Variants in ZBTB17 observed in about 807,000 individuals in gnomAD.
ZBTB17 encodes zinc finger and BTB domain containing 17, also known as zinc finger and BTB domain-containing protein 17.
Under a neutral mutation model 85.1 loss-of-function variants are expected in ZBTB17, and 24 were observed. The observed-to-expected ratio is 0.28, with a 90% CI of 0.20 to 0.40. ZBTB17 has a LOEUF of 0.40. Among genes scored for constraint, ZBTB17 ranks in the 10% least tolerant of loss-of-function variants. The pLI is 1.00. For synonymous variants in ZBTB17, 464 were observed against 460.2 expected, an observed-to-expected ratio of 1.01 and a Z score of -0.11; for missense variants, 743 against 1,105.1, an observed-to-expected ratio of 0.67 and a Z score of 4.65.
chr1:15,960,721 C>T (rs2072229068), intron 2 of ZBTB17, among the ~76,000 whole-genome samples: 1 of 152,168 alleles, frequency 6.6e-6, no homozygotes, highest in Admixed American at 6.5e-5. Context: ...GCCGGATGGC[C>T]CATGATGCTC....
chr1:15,947,159 CAA>C, intron 3 of ZBTB17, 36 bp from the exon 4 acceptor site: 1 of 1,574,568 alleles, frequency 6.4e-7, no homozygotes, highest in African/African-American at 1.3e-5. Context: ...AGACCCACCT[CAA>C]GATCCGGCAC....
Position 15,944,993 on chromosome 1 carries a change from T to C in ZBTB17, c.871A>G (p.Thr291Ala). ...TTGGACTCCGTGCGGTCGCCGTAGG[T>C]GCCTGAGCGCAGGCCCCGGGCCTCG... ...GSEARGLRSG[T>A]YGDRTESKAY... Residue 291 changes from threonine (T) to alanine (A), a missense_variant, in exon 7 of 16, where the codon ACC becomes GCC. Coordinates refer to ENST00000375743, the MANE Select transcript of ZBTB17 (RefSeq NM_003443.3). 4 of 1,590,894 alleles carry C rather than the reference T, an allele frequency of 2.5e-6. No individual in the cohort carries two copies. The highest frequency in any genetic ancestry group is 3.4e-6 in the Non-Finnish European group (4 of 1,171,266).
rs1254510963 is a variant in ZBTB17, at chr1:15,944,920, G to T, written c.927+17C>A. 2.6e-6 allele frequency: 4 copies of T among 1,565,254 alleles called. No individual in the cohort carries two copies. The highest frequency in any genetic ancestry group is 3.5e-6 in the Non-Finnish European group (4 of 1,156,656). ...GGAGGGACGCTGGCTGGGAGGGCTG[G>T]CCATAGTCTCCCTCACCTCGCACTT... is the stretch of plus-strand genomic sequence containing the variant. On this transcript the variant is annotated intron_variant, in intron 7 of 15. Transcript: ENST00000375743.
Position 15,949,766 on chromosome 1 carries a change from G to A in ZBTB17, c.-2-1269C>T, listed in dbSNP as rs564561203. Reference sequence around the variant, plus strand: ...ATGGCTGTCGGGCTGTGATGAGTCCGGAGGAAGCCACGCCCCTCACACCAG... The same window carrying A: ...ATGGCTGTCGGGCTGTGATGAGTCCAGAGGAAGCCACGCCCCTCACACCAG... On this transcript the variant is annotated intron_variant, in intron 2 of 15. Coordinates refer to ENST00000375743, the MANE Select transcript of ZBTB17 (RefSeq NM_003443.3). 3.9e-5 allele frequency among the ~76,000 whole-genome samples: 6 copies of A among 152,366 alleles called. No homozygotes were observed. In the South Asian group the frequency reaches 1.0e-3, roughly 26 times the overall value.
chr1:15,967,532 T>C (rs971192424), intron 2 of ZBTB17, among the ~76,000 whole-genome samples: 26 of 152,174 alleles, frequency 1.7e-4, no homozygotes, highest in African/African-American at 6.3e-4. Context: ...AAAAAAAAGT[T>C]TCCTGGGAGG....
chr1:15,947,476 C>T (rs1456829696), intron 3 of ZBTB17, among the ~76,000 whole-genome samples: 1 of 151,840 alleles, frequency 6.6e-6, no homozygotes, highest in Non-Finnish European at 1.5e-5. Flanking sequence ...CTGTGAATGC[C>T]GCCCATGCAT....
chr1:15,948,768 G>A (rs1023570246), intron 2 of ZBTB17, among the ~76,000 whole-genome samples: 3 of 151,892 alleles, frequency 2.0e-5, no homozygotes, highest in Admixed American at 6.6e-5. Context: ...AGCCGCCTCC[G>A]TATTCAGCCT....
chr1:15,969,894 G>A (rs2148814552), intron 2 of ZBTB17: 1 of 626,048 alleles, frequency 1.6e-6, no homozygotes, highest in Non-Finnish European at 3.0e-6. Context: ...ACAGACGGAG[G>A]CAGCTAGGAC....
At chr1:15,947,663 G>A (rs1419819302) in intron 3 of ZBTB17, among the ~76,000 whole-genome samples, 2 of 152,134 alleles carry the variant, frequency 1.3e-5, no homozygotes, top group Admixed American at 1.3e-4. Flanking sequence ...TTATTTGGCC[G>A]CTACACTTCA....
rs910740366 is a variant in ZBTB17, at chr1:15,943,728, C to G, written c.1460-13G>C. ...CGCTTCAGGTTCCCTGTGGCGAGACCGAGGGCGAACCTGGCGTGGGGCACC... is the reference window on the plus strand; with the variant it reads ...CGCTTCAGGTTCCCTGTGGCGAGACGGAGGGCGAACCTGGCGTGGGGCACC... On this transcript the variant is annotated splice_polypyrimidine_tract_variant and intron_variant, in intron 10 of 15. Transcript: ENST00000375743. 6 of 1,612,950 alleles carry G rather than the reference C, an allele frequency of 3.7e-6. No individual in the cohort carries two copies. Among genetic ancestry groups the G allele is most frequent in the Non-Finnish European group, 5.1e-6 (6 of 1,179,878 alleles).
At position 15,964,160 on chromosome 1, in the gene ZBTB17, A is replaced by C. The variant is rs1199505241; in HGVS notation, c.-3+8879T>G. Among the ~76,000 whole-genome samples, 3 of 151,932 alleles carry C rather than the reference A, an allele frequency of 2.0e-5. No homozygotes were observed. Among genetic ancestry groups the C allele is most frequent in the Non-Finnish European group, 4.4e-5 (3 of 67,982 alleles). On this transcript the variant is annotated intron_variant, in intron 2 of 15. Coordinates refer to ENST00000375743, the MANE Select transcript of ZBTB17 (RefSeq NM_003443.3). The surrounding 1 kb of genome is among the most constrained non-coding windows in gnomAD (Gnocchi z 4.3). ...AAAGGTTTAAAAAGAACTAAAATGCACACCCACAGAATAAAAGTGGAAGAG... is the reference window on the plus strand; with the variant it reads ...AAAGGTTTAAAAAGAACTAAAATGCCCACCCACAGAATAAAAGTGGAAGAG...
rs1557782259 is a variant in ZBTB17 at position 15,951,579 on chromosome 1, G to A, written c.-2-3082C>T. The stretch of plus-strand genomic sequence containing the variant: ...GTTCCCCAGCCGGGAAGCTTTAACA[G>A]CCCCTCTCTCAAGGCCCGTGGCGAG... On this transcript the variant is annotated intron_variant, in intron 2 of 15. Transcript: ENST00000375743. This position sits in a 1 kb window ranked among gnomAD's most constrained non-coding sequence, Gnocchi z 4.1. Among the ~76,000 whole-genome samples, 1 of 152,142 alleles carries A rather than the reference G, an allele frequency of 6.6e-6. No homozygotes were observed. The highest frequency in any genetic ancestry group is 2.4e-5 in the African/African-American group (1 of 41,422).
intron 2 of ZBTB17, among the ~76,000 whole-genome samples, chr1:15,968,002 T>A (rs1410912955): frequency 6.6e-6 from 1 of 152,044 alleles, no homozygotes; most frequent in Non-Finnish European, 1.5e-5. Context: ...TTCTGGGGTG[T>A]CACCACTGGA....
At chr1:15,956,429 G>GT (rs2072047049) in intron 2 of ZBTB17, among the ~76,000 whole-genome samples, 2 of 152,166 alleles carry the variant, frequency 1.3e-5, no homozygotes, top group African/African-American at 4.8e-5. Flanking sequence ...CAATGTCAAA[G>GT]TATTTCCTAG....
Position 15,947,025 on chromosome 1 carries a change from G to C in ZBTB17, c.304C>G (p.Gln102Glu). 6.2e-7 allele frequency: 1 copy of C among 1,614,128 alleles called. No homozygotes were observed. Among genetic ancestry groups the C allele is most frequent in the Non-Finnish European group, 8.5e-7 (1 of 1,180,028 alleles). The change falls in exon 4 of 16, where the codon CAG (glutamine) becomes GAG (glutamate). Residue 102 changes from glutamine (Q) to glutamate (E), a missense_variant. By Grantham distance (29) the Gln-to-Glu change is conservative (BLOSUM62 2). This residue lies in a region of ZBTB17 where 74 missense variants were observed against 142.6 expected (regional missense o/e 0.52). Coordinates refer to ENST00000375743, the MANE Select transcript of ZBTB17 (RefSeq NM_003443.3). ...GCATGGCAGGCCGTGATGATGTCCT[G>C]CATTTGGAGGAAAGTGGCCACGGCC... ...VLAVATFLQM[Q>E]DIITACHALK...
At chr1:15,950,347 G>A (rs1233837468) in intron 2 of ZBTB17, among the ~76,000 whole-genome samples, 3 of 152,254 alleles carry the variant, frequency 2.0e-5, no homozygotes, top group Non-Finnish European at 4.4e-5. Context: ...AAGACCTGAA[G>A]GGCACAAAGG....
At position 15,944,323 on chromosome 1, in the gene ZBTB17, G is replaced by A; in HGVS notation, c.1348C>T (p.His450Tyr). 1 of 1,554,252 alleles carries A rather than the reference G, an allele frequency of 6.4e-7. No homozygotes were observed. Among genetic ancestry groups the A allele is most frequent in the Non-Finnish European group, 8.7e-7 (1 of 1,148,840 alleles). The change falls in exon 9 of 16, where the codon CAC becomes TAC. Residue 450 changes from histidine (H) to tyrosine (Y), a missense_variant. This residue lies in a region of ZBTB17 where 321 missense variants were observed against 615.7 expected (regional missense o/e 0.52). Coordinates refer to ENST00000375743, the MANE Select transcript of ZBTB17 (RefSeq NM_003443.3). ...HDTDKEHKCPHCDKKFNQVGN... is the reference protein window; with the variant it reads ...HDTDKEHKCPYCDKKFNQVGN... ...ACCTGGTTGAACTTCTTGTCGCAGT[G>A]TGGGCACTTGTGCTCCTTGTCCGTG...
At chr1:15,948,200 G>A (rs1471276302) in intron 3 of ZBTB17, 91 bp downstream of exon 3, 1 of 1,480,214 alleles carries the variant, frequency 6.8e-7, no homozygotes, top group South Asian at 1.2e-5. Flanking sequence ...CCCACAGCCT[G>A]CAGGTGCTGC....
At chr1:15,969,577 T>C (rs2072566821) in intron 2 of ZBTB17, 1 of 397,210 alleles carries the variant, frequency 2.5e-6, no homozygotes, top group Admixed American at 2.8e-5. Flanking sequence ...GTGGGAAGTG[T>C]GAGGCCGCTG....
Sources: allele counts gnomAD v4.1 joint callset (sites outside exome capture counted in the v4.1 genomes callset), GRCh38; gene constraint gnomAD v4.1.1; regional missense constraint gnomAD v4.1.1; non-coding constraint Gnocchi (gnomAD v3.1); transcripts MANE v1.5; gene names NCBI Gene and HGNC (gene_info 2026-07-23, HGNC 2026-07-21).